The following ZFP36L2 variants were observed in gnomAD, a reference collection of about 807,000 sequenced individuals.
ZFP36L2 encodes the protein mRNA decay activator protein ZFP36L2.
Under a neutral mutation model 27.9 loss-of-function variants are expected in ZFP36L2, and 16 were observed. The ratio of observed to expected loss-of-function variants is 0.57; its 90% CI spans 0.39 to 0.87. The LOEUF is 0.87. Ranked by LOEUF, ZFP36L2 falls within the 40% of genes least tolerant of loss-of-function variation. ZFP36L2 has a pLI of 0.00. For missense variants in ZFP36L2, 989 were observed against 726.9 expected (o/e 1.36, Z -4.15); for synonymous variants, 600 against 363.8 (o/e 1.65, Z -7.39).
chr2:43,225,922 A>T (rs999494101), intron 1 of ZFP36L2, among the ~76,000 whole-genome samples, 170 bp from the exon 2 acceptor site: 2 of 151,958 alleles, frequency 1.3e-5, no homozygotes, highest in Non-Finnish European at 1.5e-5. Context: ...AACCAGCAAG[A>T]TCTTGCTGGA....
At position 43,224,074 on chromosome 2, in the gene ZFP36L2, G is replaced by T. The variant is rs1348336247; in HGVS notation, c.*245C>A. On this transcript the variant is annotated 3_prime_UTR_variant, in exon 2 of 2. Transcript: ENST00000282388. ...TCAACAGAAAAAGTTCGACTTTTTT[G>T]CTCAAAAAGAATGAAACTTCGTAAT... 5.4e-6 allele frequency: 2 copies of T among 372,526 alleles called. No individual in the cohort carries two copies. Among genetic ancestry groups the T allele is most frequent in the Non-Finnish European group, 9.3e-6 (2 of 214,560 alleles). 23.1% of individuals were successfully genotyped at this position (372,526 alleles called of 1,614,324 possible). A position where few individuals can be genotyped will look rare whatever the true frequency, so the allele number is the denominator to read the frequency against.
intron 1 of ZFP36L2, among the ~76,000 whole-genome samples, 180 bp from the exon 2 acceptor site, chr2:43,225,932 A>G (rs1342620645): frequency 8.6e-5 from 13 of 152,016 alleles, no homozygotes; most frequent in Non-Finnish European, 1.6e-4. Context: ...ATCTTGCTGG[A>G]CGGAGCGGGA....
intron 1 of ZFP36L2, among the ~76,000 whole-genome samples, chr2:43,226,031 C>G (rs1027184628): frequency 1.3e-5 from 2 of 152,176 alleles, no homozygotes; most frequent in Non-Finnish European, 2.9e-5. Context: ...GAAGCCTGTC[C>G]GGGAAGCCCC....
rs768383040 is a variant in ZFP36L2 at position 43,224,599 on chromosome 2, C to T, written c.1205G>A (p.Gly402Asp). Residue 402 changes from glycine (G) to aspartate (D), a missense_variant, in exon 2 of 2, where the codon GGC (glycine) becomes GAC (aspartate). Coordinates refer to ENST00000282388, the MANE Select transcript of ZFP36L2 (RefSeq NM_006887.5). ...CGGCGGCTGCGCGGGGGGCGCCAGG[C>T]CCTGCTGCTGCTGCTGCTGCTGACT... ...YRSQQQQQQQ[G>D]LAPPAQPPAP... 1.3e-5 allele frequency: 18 copies of T among 1,386,486 alleles called. No individual in the cohort carries two copies. The highest frequency in any genetic ancestry group is 1.7e-5 in the Non-Finnish European group (18 of 1,059,972). 85.9% of individuals were successfully genotyped at this position (1,386,486 alleles called of 1,614,324 possible). A position where few individuals can be genotyped will look rare whatever the true frequency, so the allele number is the denominator to read the frequency against.
At position 43,226,586 on chromosome 2, in the gene ZFP36L2, G is replaced by A. The variant is rs909909794; in HGVS notation, c.-271C>T. On this transcript the variant is annotated 5_prime_UTR_variant, in exon 1 of 2. Coordinates refer to ENST00000282388, the MANE Select transcript of ZFP36L2 (RefSeq NM_006887.5). Reference sequence around the variant, plus strand: ...CGCCCCCCCCGCGGAGCCGACGGCAGCTCGCGGACTGCTGGAACTCGGCGG... The same window carrying A: ...CGCCCCCCCCGCGGAGCCGACGGCAACTCGCGGACTGCTGGAACTCGGCGG... The A allele has an allele frequency of 1.2e-5, 6 of 483,072 alleles. No individual in the cohort carries two copies. The highest frequency in any genetic ancestry group is 2.2e-5 in the Non-Finnish European group (6 of 275,054). The allele number at this position is 483,072 out of a possible 1,614,324, so 29.9% of individuals were successfully genotyped here.
Position 43,224,216 on chromosome 2 carries a change from C to CA in ZFP36L2, c.*102dup. On this transcript the variant is annotated 3_prime_UTR_variant, in exon 2 of 2. Coordinates refer to ENST00000282388, the MANE Select transcript of ZFP36L2 (RefSeq NM_006887.5). The stretch of plus-strand genomic sequence containing the variant: ...CTTGCAGTCTGCCTAGGGCCCATGT[C>CA]ACCCCCCCCACTCCCGTGCCCCCAG... 7.8e-7 allele frequency: 1 copy of CA among 1,276,848 alleles called. No individual in the cohort carries two copies. The highest frequency in any genetic ancestry group is 3.1e-5 in the Admixed American group (1 of 32,476). 79.1% of individuals were successfully genotyped at this position (1,276,848 alleles called of 1,614,324 possible). A position where few individuals can be genotyped will look rare whatever the true frequency, so the allele number is the denominator to read the frequency against.
chr2:43,224,307 C>G lies in ZFP36L2; in HGVS notation c.*12G>C. The G allele has an allele frequency of 1.9e-6, 3 of 1,557,642 alleles. No homozygotes were observed. The highest frequency in any genetic ancestry group is 2.6e-6 in the Non-Finnish European group (3 of 1,157,918). ...ACCGCCTTCCCTTCCTCCTCACTGG[C>G]GCCCTCTTGCCTCAGTCGTCGGAGA... On this transcript the variant is annotated 3_prime_UTR_variant, in exon 2 of 2. Transcript: ENST00000282388.
rs1270961318 is a variant in ZFP36L2, at chr2:43,222,785, G to T, written c.*1534C>A. On this transcript the variant is annotated 3_prime_UTR_variant, in exon 2 of 2. Transcript: ENST00000282388. Reference sequence around the variant, plus strand: ...ACTTTATATCTATATAAAAAAAGTGGTAAAAATCTTTTCCTTTTGTGCAGT... The same window carrying T: ...ACTTTATATCTATATAAAAAAAGTGTTAAAAATCTTTTCCTTTTGTGCAGT... 6.6e-6 allele frequency: 1 copy of T among 152,314 alleles called. No homozygotes were observed. Among genetic ancestry groups the T allele is most frequent in the Non-Finnish European group, 1.5e-5 (1 of 68,028 alleles). The allele number at this position is 152,314 out of a possible 1,614,324, so 9.4% of individuals were successfully genotyped here.
intron 1 of ZFP36L2, 62 bp downstream of exon 1, chr2:43,226,203 G>T: frequency 1.3e-6 from 2 of 1,548,442 alleles, no homozygotes; most frequent in Non-Finnish European, 1.7e-6. Flanking sequence ...AGAACCTGGG[G>T]ACAGAGGCAA....
Position 43,225,770 on chromosome 2 carries a change from GC to G in ZFP36L2, c.52-19del. 3 of 1,578,382 alleles carry G rather than the reference GC, an allele frequency of 1.9e-6. No individual in the cohort carries two copies. Among genetic ancestry groups the G allele is most frequent in the Non-Finnish European group, 2.6e-6 (3 of 1,170,282 alleles). On this transcript the variant is annotated intron_variant, in intron 1 of 1. Transcript: ENST00000282388. Reference sequence around the variant, plus strand: ...TTCTCTGTCTGCCAAAGGGAGGGGAGCGGGGAAGGGATGAAAAACGGAAGGG... The same window carrying G: ...TTCTCTGTCTGCCAAAGGGAGGGGAGGGGGAAGGGATGAAAAACGGAAGGG...
chr2:43,226,241 G>A (rs1211188603), intron 1 of ZFP36L2, 24 bp downstream of exon 1: 5 of 1,566,742 alleles, frequency 3.2e-6, no homozygotes, highest in East Asian at 2.4e-5. Flanking sequence ...GGCTGCTGCC[G>A]GCCGGGCCCG....
rs1360967509 is a variant in ZFP36L2, at chr2:43,224,433, G to C, written c.1371C>G (p.Asp457Glu). The C allele has an allele frequency of 1.9e-6, 3 of 1,540,500 alleles. No homozygotes were observed. Among genetic ancestry groups the C allele is most frequent in the South Asian group, 1.2e-5 (1 of 85,054 alleles). ...PSPPDSLSDRDSYLSGSLSSG... is the reference protein window; with the variant it reads ...PSPPDSLSDRESYLSGSLSSG... ...AGCTCAGGGAGCCGCTTAGGTAGCT[G>C]TCGCGGTCCGACAGCGAGTCCGGGG... Residue 457 changes from aspartate to glutamate, a missense_variant, in exon 2 of 2, where the codon GAC becomes GAG. Coordinates refer to ENST00000282388, the MANE Select transcript of ZFP36L2 (RefSeq NM_006887.5).
Position 43,224,152 on chromosome 2 carries a change from C to G in ZFP36L2, c.*167G>C. The G allele has an allele frequency of 1.8e-6, 1 of 561,946 alleles. No individual in the cohort carries two copies. Among genetic ancestry groups the G allele is most frequent in the Non-Finnish European group, 2.7e-6 (1 of 372,842 alleles). 34.8% of individuals were successfully genotyped at this position (561,946 alleles called of 1,614,324 possible). ...AACCGAAAAAGGAGGGGTGGGGGCC[C>G]CTCCCGGCACAGAGTTCGAGTCCAA... On this transcript the variant is annotated 3_prime_UTR_variant, in exon 2 of 2. Coordinates refer to ENST00000282388, the MANE Select transcript of ZFP36L2 (RefSeq NM_006887.5).
In ZFP36L2 at chr2:43,224,685, G is replaced by C. The variant is rs1180751257; in HGVS notation, c.1119C>G (p.Ile373Met). The change falls in exon 2 of 2, where the codon ATC becomes ATG. Residue 373 changes from isoleucine (I) to methionine (M), a missense_variant. Coordinates refer to ENST00000282388, the MANE Select transcript of ZFP36L2 (RefSeq NM_006887.5). ...TGTGGGTCTGGATGGCGAGCGGCGTGATGAGGCTGCTGAGCTCCGGACCGA... is the reference window on the plus strand; with the variant it reads ...TGTGGGTCTGGATGGCGAGCGGCGTCATGAGGCTGCTGAGCTCCGGACCGA... ...FAFGPELSSL[I>M]TPLAIQTHNF... 6.5e-7 allele frequency: 1 copy of C among 1,541,000 alleles called. No homozygotes were observed. The highest frequency in any genetic ancestry group is 1.4e-5 in the African/African-American group (1 of 69,972).
chr2:43,224,839 C>A lies in ZFP36L2; in HGVS notation c.965G>T (p.Cys322Phe). 1 of 1,450,008 alleles carries A rather than the reference C, an allele frequency of 6.9e-7. No homozygotes were observed. Among genetic ancestry groups the A allele is most frequent in the Non-Finnish European group, 9.0e-7 (1 of 1,114,430 alleles). 89.8% of individuals were successfully genotyped at this position (1,450,008 alleles called of 1,614,324 possible). ...ASTPSGAPTC[C>F]ASAAAAAAAA... The stretch of plus-strand genomic sequence containing the variant: ...CGCAGCCGCGGCCGCCGCGGAGGCG[C>A]AGCATGTCGGGGCGCCCGAGGGCGT... The change falls in exon 2 of 2, where the codon TGC (cysteine) becomes TTC (phenylalanine). Residue 322 changes from cysteine (C) to phenylalanine (F), a missense_variant. Transcript: ENST00000282388.
At position 43,224,992 on chromosome 2, in the gene ZFP36L2, G is replaced by T; in HGVS notation, c.812C>A (p.Pro271Gln). Residue 271 changes from proline (P) to glutamine (Q), a missense_variant, in exon 2 of 2, where the codon CCG (proline) becomes CAG (glutamine). Physicochemically the swap from Pro to Gln is moderately conservative, Grantham distance 76. Transcript: ENST00000282388. ...CAGCAGCGGCGACTCGAGGCCGCCC[G>T]GGGGCTGATGGTGGCCCGACGGGAA... Reference protein sequence around the residue: ...SGFPSGHHQPPGGLESPLLLD... With the variant: ...SGFPSGHHQPQGGLESPLLLD... 6.3e-7 allele frequency: 1 copy of T among 1,588,874 alleles called. No individual in the cohort carries two copies. The highest frequency in any genetic ancestry group is 8.5e-7 in the Non-Finnish European group (1 of 1,176,842).
rs867734094 is a variant in ZFP36L2 at position 43,226,570 on chromosome 2, C to T, written c.-255G>A. On this transcript the variant is annotated 5_prime_UTR_variant, in exon 1 of 2. Transcript: ENST00000282388. ...CCCGGGGTGCCCGGCCCGCCCCCCC[C>T]GCGGAGCCGACGGCAGCTCGCGGAC... 1.8e-5 allele frequency: 9 copies of T among 499,134 alleles called. No homozygotes were observed. Among genetic ancestry groups the T allele is most frequent in the Middle Eastern group, 5.1e-4 (1 of 1,962 alleles). The allele number at this position is 499,134 out of a possible 1,614,324, so 30.9% of individuals were successfully genotyped here.
Position 43,224,983 on chromosome 2 carries a change from A to G in ZFP36L2, c.821T>C (p.Leu274Pro). Residue 274 changes from leucine to proline, a missense_variant, in exon 2 of 2, where the codon CTC becomes CCC. Transcript: ENST00000282388. ...PSGHHQPPGG[L>P]ESPLLLDSPT... Reference sequence around the variant, plus strand: ...GCTGTCGAGCAGCAGCGGCGACTCGAGGCCGCCCGGGGGCTGATGGTGGCC... The same window carrying G: ...GCTGTCGAGCAGCAGCGGCGACTCGGGGCCGCCCGGGGGCTGATGGTGGCC... The G allele has an allele frequency of 6.3e-7, 1 of 1,583,306 alleles. No homozygotes were observed. The highest frequency in any genetic ancestry group is 8.5e-7 in the Non-Finnish European group (1 of 1,175,236).
Position 43,224,479 on chromosome 2 carries a change from ACG to A in ZFP36L2, c.1323_1324del (p.Phe443ArgfsTer30). The A allele has an allele frequency of 6.7e-7, 1 of 1,502,796 alleles. No homozygotes were observed. The highest frequency in any genetic ancestry group is 8.8e-7 in the Non-Finnish European group (1 of 1,131,576). The allele number at this position is 1,502,796 out of a possible 1,614,324, so 93.1% of individuals were successfully genotyped here. Reference sequence around the variant, plus strand: ...CGGGGGGCTGGGGGGCGCGTCGAACACGGGCGAGTCGGACAGGCGGCGCGGCA... The same window carrying A: ...CGGGGGGCTGGGGGGCGCGTCGAACAGGCGAGTCGGACAGGCGGCGCGGCA... On this transcript the variant is annotated frameshift_variant, in exon 2 of 2. Coordinates refer to ENST00000282388, the MANE Select transcript of ZFP36L2 (RefSeq NM_006887.5). LOFTEE classifies it high-confidence loss of function.
Sources: allele counts gnomAD v4.1 joint callset (sites outside exome capture counted in the v4.1 genomes callset), GRCh38; gene constraint gnomAD v4.1.1; transcripts MANE v1.5; gene names NCBI Gene and HGNC (gene_info 2026-07-23, HGNC 2026-07-21).